Variants in IGSF21 observed in about 807,000 individuals in gnomAD.
The protein encoded by IGSF21 is immunoglobin superfamily member 21.
In IGSF21, 28 loss-of-function variants were observed where a neutral mutation model predicts 46.8. The observed-to-expected ratio is 0.60, with a 90% confidence interval of 0.44 to 0.82. The LOEUF is 0.82. Among genes scored for constraint, IGSF21 ranks in the 40% least tolerant of loss-of-function variants. The pLI is 0.00. For synonymous variants in IGSF21, 284 were observed against 273.6 expected (o/e 1.04, Z -0.38); for missense variants, 624 against 665.5 (o/e 0.94, Z 0.69).
At chr1:18,190,385 T>G (rs2086943667) in intron 1 of IGSF21, among the ~76,000 whole-genome samples, 1 of 152,260 alleles carries the variant, frequency 6.6e-6, no homozygotes, top group Non-Finnish European at 1.5e-5. Flanking sequence ...GAAATGGGAA[T>G]GGAACACCTA....
chr1:18,117,635 G>T (rs2086199218), intron 1 of IGSF21, among the ~76,000 whole-genome samples: 1 of 152,200 alleles, frequency 6.6e-6, no homozygotes, highest in Admixed American at 6.5e-5. Context: ...AAAAGTGGTT[G>T]CTCCCTTGAT....
chr1:18,268,582 G>T (rs2124543207), intron 2 of IGSF21, among the ~76,000 whole-genome samples: 1 of 152,364 alleles, frequency 6.6e-6, no homozygotes, highest in South Asian at 2.1e-4. Flanking sequence ...CAGGTGCGCG[G>T]TGAAACCTGC....
chr1:18,252,251 C>T (rs900228443), intron 2 of IGSF21, among the ~76,000 whole-genome samples: 10 of 151,958 alleles, frequency 6.6e-5, no homozygotes, highest in South Asian at 6.2e-4. Context: ...GGGGTTTCAC[C>T]GTGTTATCAG....
At chr1:18,273,374 C>G (rs1458727399) in intron 2 of IGSF21, among the ~76,000 whole-genome samples, 9 of 142,856 alleles carry the variant, frequency 6.3e-5, no homozygotes, top group African/African-American at 2.1e-4. Flanking sequence ...CCTTTCCTTT[C>G]CTTTCCTTTC....
At chr1:18,134,825 C>T (rs1283851967) in intron 1 of IGSF21, among the ~76,000 whole-genome samples, 3 of 152,306 alleles carry the variant, frequency 2.0e-5, no homozygotes, top group East Asian at 1.9e-4. Flanking sequence ...CTGCTCAGAC[C>T]GGGGCCTCAG....
rs543993917 is a variant in IGSF21 at position 18,346,670 on chromosome 1, T to G, written c.424+11660T>G. Among the ~76,000 whole-genome samples the G allele has an allele frequency of 7.6e-4, 116 of 152,270 alleles. 1 individual carries two copies. The highest frequency in any genetic ancestry group is 2.8e-3 in the African/African-American group (115 of 41,582). On this transcript the variant is annotated intron_variant, in intron 4 of 9. Coordinates refer to ENST00000251296, the MANE Select transcript of IGSF21 (RefSeq NM_032880.5). ...CGTGATCTCACTCAGCAGCCAGCGATCGCAGAAAATGGGCCGTTGGGGTGG... is the reference window on the plus strand; with the variant it reads ...CGTGATCTCACTCAGCAGCCAGCGAGCGCAGAAAATGGGCCGTTGGGGTGG...
intron 4 of IGSF21, among the ~76,000 whole-genome samples, chr1:18,354,035 C>T (rs143359789): frequency 3.3e-5 from 5 of 152,310 alleles, no homozygotes; most frequent in Non-Finnish European, 5.9e-5. Context: ...CCAGGGAACA[C>T]GCACTCTAGT....
chr1:18,355,439 TGA>T (rs539219046), intron 4 of IGSF21, among the ~76,000 whole-genome samples: 68 of 152,296 alleles, frequency 4.5e-4, no homozygotes, highest in African/African-American at 1.6e-3. Flanking sequence ...TGTTAACTGT[TGA>T]GTCTAAAATA....
intron 3 of IGSF21, among the ~76,000 whole-genome samples, chr1:18,309,883 C>T (rs1236319575): frequency 6.6e-6 from 1 of 152,156 alleles, no homozygotes; most frequent in African/African-American, 2.4e-5. Context: ...AGTCTCCACA[C>T]CATTAGCTCT....
chr1:18,262,294 G>A (rs1422291226), intron 2 of IGSF21, among the ~76,000 whole-genome samples: 3 of 152,196 alleles, frequency 2.0e-5, no homozygotes, highest in African/African-American at 7.2e-5. Context: ...AGGTTCTGGC[G>A]ACCGGATAAA....
intron 1 of IGSF21, chr1:18,114,533 A>G (rs2086171837): frequency 6.6e-6 from 1 of 152,256 alleles, no homozygotes; most frequent in African/African-American, 2.4e-5. Flanking sequence ...ACTTCCTGGC[A>G]GCAAAGATGT....
At chr1:18,123,796 T>A (rs1050626060) in intron 1 of IGSF21, among the ~76,000 whole-genome samples, 1 of 152,054 alleles carries the variant, frequency 6.6e-6, no homozygotes, top group Non-Finnish European at 1.5e-5. Context: ...GAAGGATGTG[T>A]ATTGCAGGTA....
intron 1 of IGSF21, among the ~76,000 whole-genome samples, chr1:18,108,774 T>G (rs2086115061): frequency 1.3e-5 from 2 of 151,682 alleles, no homozygotes; most frequent in Admixed American, 6.6e-5. Context: ...TCTAGGGGTG[T>G]ACGACAGCGG....
intron 1 of IGSF21, among the ~76,000 whole-genome samples, chr1:18,203,421 G>T (rs1318932631): frequency 2.0e-5 from 3 of 152,174 alleles, no homozygotes; most frequent in African/African-American, 7.2e-5. Context: ...CGATTCTTGT[G>T]CCTCAGCCTC....
intron 1 of IGSF21, among the ~76,000 whole-genome samples, chr1:18,150,783 A>C (rs995238364): frequency 2.0e-5 from 3 of 152,176 alleles, no homozygotes; most frequent in Admixed American, 2.0e-4. Context: ...CAGCACTTTC[A>C]CTGGGGCAGT....
intron 1 of IGSF21, among the ~76,000 whole-genome samples, chr1:18,206,584 G>A (rs2084330259): frequency 6.6e-6 from 1 of 151,922 alleles, no homozygotes; most frequent in Admixed American, 6.6e-5. Context: ...TAGGAAGATG[G>A]AACAGTAAGT....
chr1:18,367,689 C>T (rs565983032), intron 6 of IGSF21, among the ~76,000 whole-genome samples: 1 of 148,132 alleles, frequency 6.8e-6, no homozygotes, highest in East Asian at 2.0e-4. Flanking sequence ...TCACTGCAAC[C>T]TCAGCCTCCC....
At chr1:18,362,045 A>T in intron 4 of IGSF21, 70 bp from the exon 5 acceptor site, 1 of 1,110,122 alleles carries the variant, frequency 9.0e-7, no homozygotes, top group Non-Finnish European at 1.3e-6. Context: ...GGCCCATCTT[A>T]GGTCATCAGT....
intron 1 of IGSF21, chr1:18,113,450 G>A (rs1360251371): frequency 6.6e-6 from 1 of 152,202 alleles, no homozygotes; most frequent in Non-Finnish European, 1.5e-5. Flanking sequence ...ACAGGTCGTG[G>A]GCAGGGTGTG....
Sources: gnomAD v4.1 joint callset for allele counts (sites outside exome capture counted in the v4.1 genomes callset) on GRCh38, gnomAD v4.1.1 for gene constraint, MANE v1.5 for transcripts, NCBI Gene and HGNC (gene_info 2026-07-23, HGNC 2026-07-21) for gene names.